CTNNA3: variants seen among roughly 807,000 people sequenced by gnomAD.
CTNNA3 encodes the protein catenin alpha-3.
A neutral mutation model predicts 95.7 loss-of-function variants in CTNNA3; 76 were observed. That is an observed-to-expected ratio of 0.79 (90% CI 0.66 to 0.96). The LOEUF is 0.96. Among genes scored for constraint, CTNNA3 ranks in the 40% least tolerant of loss-of-function variants. The pLI, the probability that CTNNA3 is intolerant of heterozygous loss-of-function variation, is 0.00. For synonymous variants in CTNNA3, 431 were observed against 374.4 expected (o/e 1.15, Z -1.74); for missense variants, 1,191 against 1,089.8 (o/e 1.09, Z -1.31).
Position 66,766,423 on chromosome 10 carries a change from A to T in CTNNA3, c.1129-7T>A. 5 of 1,593,844 alleles carry T rather than the reference A, an allele frequency of 3.1e-6. No individual in the cohort carries two copies. Among genetic ancestry groups the T allele is most frequent in the Non-Finnish European group, 4.3e-6 (5 of 1,169,660 alleles). On this transcript the variant is annotated splice_polypyrimidine_tract_variant and splice_region_variant and intron_variant, in intron 8 of 17. Transcript: ENST00000433211. Reference sequence around the variant, plus strand: ...CTATAATAGCCTTGCGGAGCTGAGAAGAAATGAAAAATTCAGGTTTTTTTT... The same window carrying T: ...CTATAATAGCCTTGCGGAGCTGAGATGAAATGAAAAATTCAGGTTTTTTTT...
chr10:67,434,066 T>C (rs1846216456), intron 5 of CTNNA3, among the ~76,000 whole-genome samples: 1 of 152,076 alleles, frequency 6.6e-6, no homozygotes, highest in African/African-American at 2.4e-5. Context: ...TTGAACCACA[T>C]ATTAGTCTTT....
intron 10 of CTNNA3, among the ~76,000 whole-genome samples, chr10:66,560,650 T>C (rs1842524789): frequency 6.6e-6 from 1 of 152,068 alleles, no homozygotes; most frequent in Non-Finnish European, 1.5e-5. Context: ...AAAAACTTCA[T>C]TATATTCTCG....
chr10:66,920,136 T>C (rs563427209), intron 7 of CTNNA3, among the ~76,000 whole-genome samples: 188 of 152,326 alleles, frequency 1.2e-3, no homozygotes, highest in South Asian at 2.1e-3. Context: ...ACAGAACCTA[T>C]ACAGAATCAA....
At chr10:66,233,870 C>T (rs985782732) in intron 13 of CTNNA3, among the ~76,000 whole-genome samples, 2 of 152,116 alleles carry the variant, frequency 1.3e-5, no homozygotes, top group Non-Finnish European at 2.9e-5. Context: ...TTCATAGCAG[C>T]ATTATTAATA....
intron 7 of CTNNA3, among the ~76,000 whole-genome samples, chr10:67,072,013 C>A (rs1856494263): frequency 6.6e-6 from 1 of 152,134 alleles, no homozygotes; most frequent in African/African-American, 2.4e-5. Flanking sequence ...GAGTGCTGTG[C>A]ACGATCTCAG....
chr10:67,332,560 G>A (rs1841835652), intron 5 of CTNNA3, among the ~76,000 whole-genome samples: 1 of 152,222 alleles, frequency 6.6e-6, no homozygotes, highest in East Asian at 1.9e-4. Context: ...CATTTTTTGA[G>A]AAATGTTGAC....
chr10:66,792,323 A>C (rs1487660816), intron 7 of CTNNA3, among the ~76,000 whole-genome samples: 10 of 152,196 alleles, frequency 6.6e-5, no homozygotes, highest in Non-Finnish European at 1.5e-4. Flanking sequence ...ATTCAGCATC[A>C]ATAATTCAGA....
Position 67,647,426 on chromosome 10 carries a change from G to A in CTNNA3, c.88C>T (p.Leu30Phe). Reference protein sequence around the residue: ...TFTVEKLLEPLIIQVTTLVNC... With the variant: ...TFTVEKLLEPFIIQVTTLVNC... ...CATGGTATTAATACCTGGATTATGA[G>A]AGGCTCCAGTAGCTTCTCCACGGTG... Residue 30 changes from leucine to phenylalanine, a missense_variant, in exon 2 of 18, where the codon CTC (leucine) becomes TTC (phenylalanine). Physicochemically the swap from Leu to Phe is conservative, Grantham distance 22 (BLOSUM62 0). Transcript: ENST00000433211. The A allele has an allele frequency of 1.2e-6, 2 of 1,611,830 alleles. No individual in the cohort carries two copies. The highest frequency in any genetic ancestry group is 1.7e-6 in the Non-Finnish European group (2 of 1,178,452).
At chr10:66,010,727 G>T (rs79501613) in intron 15 of CTNNA3, among the ~76,000 whole-genome samples, 1 of 152,100 alleles carries the variant, frequency 6.6e-6, no homozygotes, top group African/African-American at 2.4e-5. Flanking sequence ...ATTATGCCAC[G>T]CACATGATAA....
chr10:66,691,675 C>T (rs1847546249), intron 9 of CTNNA3, among the ~76,000 whole-genome samples: 1 of 152,194 alleles, frequency 6.6e-6, no homozygotes, highest in South Asian at 2.1e-4. Flanking sequence ...GGTCCCTGAC[C>T]CCTGACCCCT....
At chr10:67,329,048 T>G (rs1361480550) in intron 5 of CTNNA3, among the ~76,000 whole-genome samples, 1 of 152,222 alleles carries the variant, frequency 6.6e-6, no homozygotes, top group African/African-American at 2.4e-5. Context: ...TATCCATTGA[T>G]CCTACCCCAC....
At chr10:67,597,654 C>A (rs1159098764) in intron 3 of CTNNA3, among the ~76,000 whole-genome samples, 7 of 152,156 alleles carry the variant, frequency 4.6e-5, no homozygotes, top group Non-Finnish European at 1.5e-5. Flanking sequence ...CCACTGGCAA[C>A]AATACTCTGA....
intron 7 of CTNNA3, among the ~76,000 whole-genome samples, chr10:67,036,682 A>G (rs967314490): frequency 6.6e-6 from 1 of 152,042 alleles, no homozygotes; most frequent in African/African-American, 2.4e-5. Flanking sequence ...TTAAGAGTAT[A>G]CTTTTTAAAG....
intron 5 of CTNNA3, among the ~76,000 whole-genome samples, chr10:67,357,592 T>C (rs1842855260): frequency 6.6e-6 from 1 of 152,054 alleles, no homozygotes; most frequent in South Asian, 2.1e-4. Context: ...ACATCATAAA[T>C]ATGTCAATTC....
chr10:66,140,492 C>G (rs1057102600), intron 13 of CTNNA3, among the ~76,000 whole-genome samples: 1 of 152,128 alleles, frequency 6.6e-6, no homozygotes, highest in African/African-American at 2.4e-5. Flanking sequence ...ATCTATGTTA[C>G]GATTTCTCTA....
intron 7 of CTNNA3, among the ~76,000 whole-genome samples, chr10:66,940,388 A>T (rs896614506): frequency 6.6e-6 from 1 of 152,254 alleles, no homozygotes; most frequent in South Asian, 2.1e-4. Flanking sequence ...CTGAAGTGGG[A>T]GGACTGCTTA....
intron 3 of CTNNA3, among the ~76,000 whole-genome samples, chr10:67,589,633 C>A (rs900595450): frequency 1.3e-5 from 2 of 151,940 alleles, no homozygotes; most frequent in African/African-American, 2.4e-5. Flanking sequence ...TTTTCCTGTT[C>A]TTTTTATATT....
intron 1 of CTNNA3, among the ~76,000 whole-genome samples, chr10:67,742,831 T>C (rs963155380): frequency 6.6e-5 from 10 of 150,964 alleles, no homozygotes; most frequent in African/African-American, 1.9e-4. Context: ...TCACCACCGA[T>C]CCCACAGAAA....
chr10:66,689,354 G>T (rs991453663), intron 9 of CTNNA3, among the ~76,000 whole-genome samples: 4 of 152,082 alleles, frequency 2.6e-5, no homozygotes, highest in African/African-American at 7.2e-5. Context: ...GTCCCATAAA[G>T]CTCTCTCCAA....
Sources: gnomAD v4.1 joint callset for allele counts (sites outside exome capture counted in the v4.1 genomes callset) on GRCh38, gnomAD v4.1.1 for gene constraint, MANE v1.5 for transcripts, NCBI Gene and HGNC (gene_info 2026-07-23, HGNC 2026-07-21) for gene names.